Variants in JAKMIP1 observed in about 807,000 individuals in gnomAD.
The protein encoded by JAKMIP1 is janus kinase and microtubule-interacting protein 1.
A neutral mutation model predicts 113.0 loss-of-function variants in JAKMIP1; 33 were observed. The observed-to-expected ratio is 0.29, with a 90% CI of 0.22 to 0.39. The LOEUF (loss-of-function observed/expected upper bound fraction) is 0.39, where lower values mean the gene tolerates loss of function less well. JAKMIP1 is among the 10% of genes least tolerant of loss of function. JAKMIP1 has a pLI of 1.00. For missense variants in JAKMIP1, 813 were observed against 1,080.5 expected (o/e 0.75, Z 3.47); for synonymous variants, 480 against 459.9 (o/e 1.04, Z -0.56).
chr4:6,059,513 GCAGGCAGGGGTGGGGGCCACCAGACACTC>G lies in JAKMIP1; in HGVS notation c.1644+882_1644+910del, dbSNP rs1716964946. ...CTCAGCCCCCCATAGATGCCTCTCTGCAGGCAGGGGTGGGGGCCACCAGACACTCCGTCTGCCCACACCCTCCTTGGCAC... is the reference window on the plus strand; with the variant it reads ...CTCAGCCCCCCATAGATGCCTCTCTGCGTCTGCCCACACCCTCCTTGGCAC... On this transcript the variant is annotated intron_variant, in intron 11 of 20. Transcript: ENST00000409021. This position sits in a 1 kb window ranked among gnomAD's most constrained non-coding sequence, Gnocchi z 4.8. Among the ~76,000 whole-genome samples, 1 of 152,104 alleles carries G rather than the reference GCAGGCAGGGGTGGGGGCCACCAGACACTC, an allele frequency of 6.6e-6. No individual in the cohort carries two copies. Among genetic ancestry groups the G allele is most frequent in the Non-Finnish European group, 1.5e-5 (1 of 68,014 alleles).
chr4:6,056,293 AG>A (rs1456767319), intron 12 of JAKMIP1, among the ~76,000 whole-genome samples: 3 of 134,028 alleles, frequency 2.2e-5, no homozygotes, highest in Admixed American at 7.3e-5. Flanking sequence ...CCATTTCTGC[AG>A]GGGTCCCAGA....
chr4:6,142,875 G>C lies in JAKMIP1; in HGVS notation c.-147-29878C>G, dbSNP rs567369362. Reference sequence around the variant, plus strand: ...GGAAACGGAGGATGGAAAGGTTTAAGGGACATGGCCGGCAATGACAAAGCC... The same window carrying C: ...GGAAACGGAGGATGGAAAGGTTTAACGGACATGGCCGGCAATGACAAAGCC... On this transcript the variant is annotated intron_variant, in intron 1 of 20. Transcript: ENST00000409021. This position sits in a 1 kb window ranked among gnomAD's most constrained non-coding sequence, Gnocchi z 5.5. Among the ~76,000 whole-genome samples the C allele has an allele frequency of 2.0e-5, 3 of 152,338 alleles. No individual in the cohort carries two copies. In the South Asian group the frequency reaches 6.2e-4, roughly 32 times the overall value.
At chr4:6,191,750 T>C (rs1727278735) in intron 1 of JAKMIP1, among the ~76,000 whole-genome samples, 1 of 152,186 alleles carries the variant, frequency 6.6e-6, no homozygotes, top group African/African-American at 2.4e-5. Flanking sequence ...ACAGTTTCAC[T>C]AGCCACATTT....
At position 6,139,067 on chromosome 4, in the gene JAKMIP1, CACACACACACACACACATAT is replaced by C. The variant is rs1362174630; in HGVS notation, c.-147-26090_-147-26071del. 2.0e-5 allele frequency among the ~76,000 whole-genome samples: 3 copies of C among 148,234 alleles called. No individual in the cohort carries two copies. Among genetic ancestry groups the C allele is most frequent in the African/African-American group, 7.8e-5 (3 of 38,550 alleles). On this transcript the variant is annotated intron_variant, in intron 1 of 20. Coordinates refer to ENST00000409021, the MANE Select transcript of JAKMIP1 (RefSeq NM_001099433.2). This position sits in a 1 kb window ranked among gnomAD's most constrained non-coding sequence, Gnocchi z 5.2. ...TGACATCATTAGAAACACACACACA[CACACACACACACACACATAT>C]ACACACACACACACACACCAGCAGG...
At chr4:6,047,455 G>GCCTGCA (rs1278803872) in intron 16 of JAKMIP1, among the ~76,000 whole-genome samples, 2 of 152,208 alleles carry the variant, frequency 1.3e-5, no homozygotes, top group African/African-American at 4.8e-5. Context: ...CCCGCCCCGT[G>GCCTGCA]CCTGCACCTG....
In JAKMIP1 at chr4:6,107,768, T is replaced by G. The variant is rs151112287; in HGVS notation, c.130-1801A>C. ...TCACTCTGTGGGGGGTGTGTGTGTGTGTGTCACAACCTATTGGTTCTGTTT... is the reference window on the plus strand; with the variant it reads ...TCACTCTGTGGGGGGTGTGTGTGTGGGTGTCACAACCTATTGGTTCTGTTT... On this transcript the variant is annotated intron_variant, in intron 2 of 20. Coordinates refer to ENST00000409021, the MANE Select transcript of JAKMIP1 (RefSeq NM_001099433.2). Among the ~76,000 whole-genome samples, 25 of 152,212 alleles carry G rather than the reference T, an allele frequency of 1.6e-4. 2 individuals carry two copies. The East Asian group carries it at 4.6e-3, about 28-fold the overall frequency.
chr4:6,063,703 T>A (rs16838164), intron 9 of JAKMIP1, among the ~76,000 whole-genome samples: 1 of 152,112 alleles, frequency 6.6e-6, no homozygotes, highest in Non-Finnish European at 1.5e-5. Flanking sequence ...TGTGCCACAT[T>A]TTCCTATGGC....
chr4:6,195,800 G>A (rs1289200187), intron 1 of JAKMIP1, among the ~76,000 whole-genome samples: 1 of 152,254 alleles, frequency 6.6e-6, no homozygotes, highest in African/African-American at 2.4e-5. Flanking sequence ...GAAAAGGCCA[G>A]GGAGTAAATG....
Position 6,040,822 on chromosome 4 carries a change from C to T in JAKMIP1, c.2098-106G>A. On this transcript the variant is annotated intron_variant, in intron 17 of 20. Coordinates refer to ENST00000409021, the MANE Select transcript of JAKMIP1 (RefSeq NM_001099433.2). The surrounding 1 kb of genome is among the most constrained non-coding windows in gnomAD (Gnocchi z 5.8). ...TGGCAGTCTCACCGAATTGGGGGCA[C>T]TCAGATGAGAAGGGACTTGGTGGTC... 3.6e-6 allele frequency: 3 copies of T among 828,692 alleles called. No individual in the cohort carries two copies. The highest frequency in any genetic ancestry group is 6.0e-6 in the Non-Finnish European group (3 of 497,364). 51.3% of individuals were successfully genotyped at this position (828,692 alleles called of 1,614,324 possible). A position where few individuals can be genotyped will look rare whatever the true frequency, so the allele number is the denominator to read the frequency against.
intron 11 of JAKMIP1, among the ~76,000 whole-genome samples, chr4:6,057,959 C>T (rs1210733385): frequency 6.6e-6 from 1 of 152,270 alleles, no homozygotes; most frequent in African/African-American, 2.4e-5. Flanking sequence ...ACTGCTGATC[C>T]ACAGAACTGT....
chr4:6,054,604 C>T (rs1020542197), intron 12 of JAKMIP1: 5 of 383,290 alleles, frequency 1.3e-5, no homozygotes, highest in Non-Finnish European at 2.6e-5. Flanking sequence ...GAGGGCCCCT[C>T]CTGCTTCCCC....
chr4:6,191,276 G>A (rs74744388), intron 1 of JAKMIP1, among the ~76,000 whole-genome samples: 2,493 of 152,198 alleles, frequency 0.016, 68 homozygotes, highest in African/African-American at 0.057. Flanking sequence ...AGGCCTTCCC[G>A]AGGGCTCACA....
intron 3 of JAKMIP1, among the ~76,000 whole-genome samples, chr4:6,092,394 G>A (rs904962845): frequency 6.6e-6 from 1 of 152,176 alleles, no homozygotes; most frequent in African/African-American, 2.4e-5. Flanking sequence ...CTTGTGTACC[G>A]ATGCCCAGAG....
intron 13 of JAKMIP1, among the ~76,000 whole-genome samples, chr4:6,052,703 A>G (rs1470175466): frequency 6.6e-6 from 1 of 150,638 alleles, no homozygotes; most frequent in Non-Finnish European, 1.5e-5. Context: ...GTTCTGAAGG[A>G]TGGTGGAGAC....
chr4:6,045,435 G>A (rs566342145), intron 16 of JAKMIP1, among the ~76,000 whole-genome samples: 1 of 152,318 alleles, frequency 6.6e-6, no homozygotes, highest in African/African-American at 2.4e-5. Context: ...CAGGACGGAT[G>A]CCTGTGTCCT....
At chr4:6,101,368 C>T (rs981061098) in intron 3 of JAKMIP1, among the ~76,000 whole-genome samples, 8 of 152,034 alleles carry the variant, frequency 5.3e-5, no homozygotes, top group South Asian at 2.1e-4. Context: ...TGAACTGCCA[C>T]GGTATCTTTG....
chr4:6,032,770 T>A (rs143151038), intron 19 of JAKMIP1, among the ~76,000 whole-genome samples: 2,644 of 152,310 alleles, frequency 0.017, 71 homozygotes, highest in African/African-American at 0.06. Flanking sequence ...CTGTGGCAGT[T>A]GGAAGGGGCT....
intron 1 of JAKMIP1, among the ~76,000 whole-genome samples, chr4:6,113,815 G>T (rs973298130): frequency 3.3e-5 from 5 of 152,222 alleles, no homozygotes; most frequent in African/African-American, 1.2e-4. Flanking sequence ...CCTACACGAG[G>T]ATGGGTTCCC....
intron 16 of JAKMIP1, among the ~76,000 whole-genome samples, chr4:6,045,931 C>T (rs748833574): frequency 2.6e-5 from 4 of 152,154 alleles, no homozygotes; most frequent in South Asian, 2.1e-4. Flanking sequence ...TTCGGATACC[C>T]GTATGGAATG....
Sources: allele counts gnomAD v4.1 joint callset (sites outside exome capture counted in the v4.1 genomes callset), GRCh38; gene constraint gnomAD v4.1.1; non-coding constraint Gnocchi (gnomAD v3.1); transcripts MANE v1.5; gene names NCBI Gene and HGNC (gene_info 2026-07-23, HGNC 2026-07-21).